Variants in CNTNAP2 observed in about 807,000 individuals in gnomAD.
CNTNAP2 encodes contactin associated protein 2, also known as contactin-associated protein-like 2.
In CNTNAP2, 98 loss-of-function variants were observed where a neutral mutation model predicts 155.2. The observed-to-expected ratio is 0.63, with a 90% CI of 0.54 to 0.75. CNTNAP2 has a LOEUF of 0.75. CNTNAP2 is among the 30% of genes least tolerant of loss of function. CNTNAP2 has a pLI of 0.00. For missense variants in CNTNAP2, 1,727 were observed against 1,688.1 expected, an observed-to-expected ratio of 1.02 and a Z score of -0.40; for synonymous variants, 651 against 631.2, an observed-to-expected ratio of 1.03 and a Z score of -0.47.
intron 13 of CNTNAP2, among the ~76,000 whole-genome samples, chr7:147,677,891 C>A (rs1216904474): frequency 6.6e-6 from 1 of 151,534 alleles, no homozygotes; most frequent in Non-Finnish European, 1.5e-5. Context: ...TGTTTTTATG[C>A]CAGTGTTGTG....
chr7:146,340,839 A>AT (rs1172963802), intron 1 of CNTNAP2, among the ~76,000 whole-genome samples: 27 of 152,198 alleles, frequency 1.8e-4, no homozygotes, highest in Non-Finnish European at 2.2e-4. Flanking sequence ...CTGTGCTTTA[A>AT]TGTTTTATTG....
intron 1 of CNTNAP2, among the ~76,000 whole-genome samples, chr7:146,586,041 A>G (rs1038756683): frequency 2.2e-5 from 2 of 92,418 alleles, no homozygotes; most frequent in African/African-American, 8.4e-5. Flanking sequence ...CAAACAAAAG[A>G]AAACAAAGCA....
chr7:146,814,906 G>A (rs1436869391), intron 2 of CNTNAP2, among the ~76,000 whole-genome samples: 5 of 152,078 alleles, frequency 3.3e-5, no homozygotes, highest in Non-Finnish European at 7.4e-5. Context: ...AGTAAGACAC[G>A]AATGTAACAT....
chr7:146,198,847 G>A (rs1015533537), intron 1 of CNTNAP2, among the ~76,000 whole-genome samples: 1 of 151,978 alleles, frequency 6.6e-6, no homozygotes, highest in Non-Finnish European at 1.5e-5. Context: ...AACATGTTTA[G>A]TGAGAATAAT....
intron 1 of CNTNAP2, among the ~76,000 whole-genome samples, chr7:146,182,270 A>G (rs1025889285): frequency 2.0e-5 from 3 of 152,256 alleles, no homozygotes; most frequent in Middle Eastern, 6.8e-3. Context: ...TTGTCTAGGT[A>G]GGATACTTCA....
chr7:146,870,729 G>A (rs1795288797), intron 3 of CNTNAP2, among the ~76,000 whole-genome samples: 1 of 152,010 alleles, frequency 6.6e-6, no homozygotes, highest in South Asian at 2.1e-4. Context: ...AAAAGAACCA[G>A]TATTTTTGAG....
intron 3 of CNTNAP2, among the ~76,000 whole-genome samples, chr7:147,021,898 A>G (rs1330551094): frequency 1.3e-5 from 2 of 152,306 alleles, no homozygotes; most frequent in East Asian, 1.9e-4. Flanking sequence ...CACTCCAATC[A>G]TGAAGGACAC....
intron 1 of CNTNAP2, among the ~76,000 whole-genome samples, chr7:146,299,158 C>A (rs1800563119): frequency 6.6e-6 from 1 of 152,014 alleles, no homozygotes; most frequent in South Asian, 2.1e-4. Flanking sequence ...GTAATCCCAG[C>A]TACTTGGGAG....
chr7:147,287,923 A>G (rs1805218130), intron 8 of CNTNAP2, among the ~76,000 whole-genome samples: 1 of 152,004 alleles, frequency 6.6e-6, no homozygotes, highest in African/African-American at 2.4e-5. Flanking sequence ...CTCTTGCCCT[A>G]ATGACGGTAA....
chr7:148,067,702 C>A (rs2116523562), intron 15 of CNTNAP2, among the ~76,000 whole-genome samples: 1 of 152,308 alleles, frequency 6.6e-6, no homozygotes, highest in Non-Finnish European at 1.5e-5. Flanking sequence ...TGGGTTGGAC[C>A]ATAGCGCTCC....
intron 21 of CNTNAP2, among the ~76,000 whole-genome samples, chr7:148,368,054 A>T (rs766886183): frequency 1.3e-5 from 2 of 152,190 alleles, no homozygotes; most frequent in Non-Finnish European, 2.9e-5. Context: ...AGTAAAATGA[A>T]AATCAACAGC....
chr7:147,504,787 A>AT (rs1016968234), intron 11 of CNTNAP2, among the ~76,000 whole-genome samples: 22 of 150,454 alleles, frequency 1.5e-4, no homozygotes, highest in African/African-American at 5.4e-4. Flanking sequence ...TCGAGATTGT[A>AT]TTTTTTGTTT....
At chr7:147,460,461 G>T (rs1156390497) in intron 10 of CNTNAP2, among the ~76,000 whole-genome samples, 2 of 152,236 alleles carry the variant, frequency 1.3e-5, no homozygotes, top group Non-Finnish European at 2.9e-5. Context: ...ACTTTATAAA[G>T]AAATCCTGCT....
intron 3 of CNTNAP2, among the ~76,000 whole-genome samples, chr7:147,033,147 C>CATATATATATATGTATATATATATATAT (rs1799068448): frequency 2.3e-5 from 2 of 86,978 alleles, no homozygotes; most frequent in Non-Finnish European, 4.3e-5. Flanking sequence ...GATATTGCTG[C>CATATATATATATGTATATATATATATAT]ATATATATAT....
intron 1 of CNTNAP2, among the ~76,000 whole-genome samples, chr7:146,561,425 C>T (rs1194578917): frequency 6.6e-6 from 1 of 152,104 alleles, no homozygotes; most frequent in Non-Finnish European, 1.5e-5. Flanking sequence ...AAAGCCAGTG[C>T]AGGTGAATCA....
intron 3 of CNTNAP2, among the ~76,000 whole-genome samples, chr7:146,925,002 C>G (rs1464061674): frequency 6.6e-6 from 1 of 152,050 alleles, no homozygotes; most frequent in East Asian, 1.9e-4. Context: ...TTTCCTGGAC[C>G]TTTAAAAATC....
At chr7:147,009,002 T>C (rs1435615445) in intron 3 of CNTNAP2, among the ~76,000 whole-genome samples, 1 of 151,882 alleles carries the variant, frequency 6.6e-6, no homozygotes, top group Non-Finnish European at 1.5e-5. Flanking sequence ...AAAATATTTT[T>C]AATGCTCAAT....
chr7:146,144,668 C>G (rs959344646), intron 1 of CNTNAP2, among the ~76,000 whole-genome samples: 1 of 151,996 alleles, frequency 6.6e-6, no homozygotes. Flanking sequence ...TCTAGAACTT[C>G]GACTCATACT....
chr7:146,563,857 A>G (rs1798317379), intron 1 of CNTNAP2, among the ~76,000 whole-genome samples: 1 of 152,154 alleles, frequency 6.6e-6, no homozygotes, highest in South Asian at 2.1e-4. Flanking sequence ...GTAACAGTCA[A>G]CCAATAAATG....
Sources: allele counts gnomAD v4.1 joint callset (sites outside exome capture counted in the v4.1 genomes callset), GRCh38; gene constraint gnomAD v4.1.1; transcripts MANE v1.5; gene names NCBI Gene and HGNC (gene_info 2026-07-23, HGNC 2026-07-21).